The following RRM2 variants were observed in gnomAD, a reference collection of about 807,000 sequenced individuals.
RRM2 encodes ribonucleotide reductase regulatory subunit M2, also known as ribonucleoside-diphosphate reductase subunit M2.
RRM2 carries 6 observed loss-of-function variants against 45.9 expected under a neutral mutation model. That is an observed-to-expected ratio of 0.13 (90% CI 0.07 to 0.26). RRM2 has a LOEUF of 0.26. RRM2 is among the 10% of genes least tolerant of loss of function. The pLI is 1.00. For missense variants in RRM2, 343 were observed against 489.5 expected (o/e 0.70, Z 2.82); for synonymous variants, 177 against 173.0 (o/e 1.02, Z -0.18).
exon 4 of RRM2, chr2:10,210,579 AC>A (rs748743330): frequency 7.3e-7 from 1 of 1,364,964 alleles, no homozygotes; most frequent in Admixed American, 1.9e-5. Flanking sequence ...CCATTCTCAG[AC>A]CCCCCAGGGC....
chr2:10,135,188 T>C (rs1320078753), downstream of RRM2, among the ~76,000 whole-genome samples: 2 of 151,328 alleles, frequency 1.3e-5, no homozygotes, highest in African/African-American at 2.5e-5. Context: ...GAGAAATTGG[T>C]TGGTCCACAG....
intron 3 of RRM2, among the ~76,000 whole-genome samples, chr2:10,200,750 T>G (rs1321721814): frequency 6.6e-6 from 1 of 152,112 alleles, no homozygotes; most frequent in Non-Finnish European, 1.5e-5. Context: ...AGGGCTCTAC[T>G]GGCTTCACAA....
At position 10,123,641 on chromosome 2, in the gene RRM2, T is replaced by C. The variant is rs1662718453; in HGVS notation, c.319-95T>C. On this transcript the variant is annotated intron_variant, in intron 3 of 9. Transcript: ENST00000304567. ...GGGGCTAACTGTGGGGCATAGTAAGTGGTGCCAGCATACTTAAAGTTTGAG... is the reference window on the plus strand; with the variant it reads ...GGGGCTAACTGTGGGGCATAGTAAGCGGTGCCAGCATACTTAAAGTTTGAG... The C allele has an allele frequency of 2.8e-6, 4 of 1,438,208 alleles. No individual in the cohort carries two copies. The African/African-American group carries it at 5.7e-5, about 20-fold the overall frequency. The allele number at this position is 1,438,208 out of a possible 1,614,324, so 89.1% of individuals were successfully genotyped here.
At chr2:10,200,922 A>C (rs911788472) in intron 3 of RRM2, among the ~76,000 whole-genome samples, 5 of 152,188 alleles carry the variant, frequency 3.3e-5, no homozygotes, top group African/African-American at 1.2e-4. Context: ...CGAGGCGGGC[A>C]GATCACCTGA....
At chr2:10,199,779 CAAAAAAAAAAAAAAAAA>C (rs796262395) in intron 3 of RRM2, among the ~76,000 whole-genome samples, 1 of 14,298 alleles carries the variant, frequency 7.0e-5, no homozygotes, top group African/African-American at 1.9e-4. Context: ...GACTCAGTCT[CAAAAAAAAAAAAAAAAA>C]AAAAAAAAAA....
intron 3 of RRM2, among the ~76,000 whole-genome samples, chr2:10,176,959 G>C (rs1234084531): frequency 6.6e-6 from 1 of 152,134 alleles, no homozygotes; most frequent in Non-Finnish European, 1.5e-5. Flanking sequence ...AAATAGTACT[G>C]ATTGAGCCGG....
At chr2:10,202,196 T>A (rs1664580801) in intron 3 of RRM2, among the ~76,000 whole-genome samples, 2 of 152,352 alleles carry the variant, frequency 1.3e-5, no homozygotes, top group South Asian at 4.1e-4. Flanking sequence ...CCTTCATTTT[T>A]ATTTTATCCA....
At chr2:10,138,269 G>C (rs1490001970), upstream of RRM2, among the ~76,000 whole-genome samples, 2 of 151,848 alleles carry the variant, frequency 1.3e-5, no homozygotes, top group Non-Finnish European at 2.9e-5. Context: ...CCGGGTTCAA[G>C]TGATTCTCCT....
At chr2:10,136,877 A>G (rs776093666), upstream of RRM2, among the ~76,000 whole-genome samples, 6 of 152,146 alleles carry the variant, frequency 3.9e-5, no homozygotes, top group Non-Finnish European at 8.8e-5. Context: ...AGGGGTGGGT[A>G]GAAGGGAGGC....
intron 3 of RRM2, among the ~76,000 whole-genome samples, chr2:10,176,979 C>T (rs544669036): frequency 1.3e-5 from 2 of 152,306 alleles, no homozygotes; most frequent in South Asian, 2.1e-4. Flanking sequence ...GGTACAGTGG[C>T]TCATGCCGGT....
At chr2:10,209,173 T>C (rs1664715693) in intron 3 of RRM2, among the ~76,000 whole-genome samples, 2 of 151,702 alleles carry the variant, frequency 1.3e-5, no homozygotes, top group South Asian at 4.2e-4. Context: ...TTCTTTTGCC[T>C]CATTCCCCTG....
At chr2:10,200,935 T>C (rs1664557188) in intron 3 of RRM2, among the ~76,000 whole-genome samples, 1 of 152,178 alleles carries the variant, frequency 6.6e-6, no homozygotes, top group African/African-American at 2.4e-5. Context: ...TCACCTGATG[T>C]CAGGAGTTCA....
In RRM2 at chr2:10,186,989, G is replaced by A. The variant is rs1006159810; in HGVS notation, n.483-23322G>A. On this transcript the variant is annotated intron_variant and non_coding_transcript_variant, in intron 3 of 3. Transcript: ENST00000381786. ...TCTGGTGCCCAGGAGTCCCCCGAAG[G>A]GGGGCTCAGAGGAGGTGCGTGCGGG... Among the ~76,000 whole-genome samples, 8 of 152,242 alleles carry A rather than the reference G, an allele frequency of 5.3e-5. No homozygotes were observed. In the East Asian group the frequency reaches 1.2e-3, roughly 22 times the overall value.
chr2:10,138,871 G>T, upstream of RRM2, among the ~76,000 whole-genome samples: 1 of 152,134 alleles, frequency 6.6e-6, no homozygotes, highest in South Asian at 2.1e-4. Flanking sequence ...ACTTTGGGAG[G>T]CCAAGGTGGG....
intron 3 of RRM2, among the ~76,000 whole-genome samples, chr2:10,196,706 C>A (rs535272141): frequency 1.1e-4 from 17 of 152,308 alleles, no homozygotes; most frequent in African/African-American, 4.1e-4. Flanking sequence ...AGGCAGTGAC[C>A]GCACAGGGCG....
At chr2:10,162,084 G>A (rs1663573460) in intron 3 of RRM2, among the ~76,000 whole-genome samples, 1 of 152,208 alleles carries the variant, frequency 6.6e-6, no homozygotes, top group African/African-American at 2.4e-5. Context: ...AGAACCCACA[G>A]CTCCCATCCG....
chr2:10,127,131 T>C lies in RRM2; in HGVS notation c.709T>C (p.Ser237Pro). The C allele has an allele frequency of 6.2e-7, 1 of 1,614,246 alleles. No homozygotes were observed. Among genetic ancestry groups the C allele is most frequent in the Non-Finnish European group, 8.5e-7 (1 of 1,180,042 alleles). ...TGCTGCAGTGGAAGGCATTTTCTTT[T>C]CCGGTTCTTTTGCGTCGATATTCTG... ...AFAAVEGIFF[S>P]GSFASIFWLK... The change falls in exon 7 of 10, where the codon TCC becomes CCC. Residue 237 changes from serine to proline, a missense_variant. Transcript: ENST00000304567. The surrounding 1 kb of genome is among the most constrained non-coding windows in gnomAD (Gnocchi z 4.1).
At position 10,185,615 on chromosome 2, in the gene RRM2, T is replaced by C. The variant is rs922050765; in HGVS notation, n.483-24696T>C. 6.6e-6 allele frequency among the ~76,000 whole-genome samples: 1 copy of C among 152,218 alleles called. No homozygotes were observed. Among genetic ancestry groups the C allele is most frequent in the Non-Finnish European group, 1.5e-5 (1 of 68,042 alleles). On this transcript the variant is annotated intron_variant and non_coding_transcript_variant, in intron 3 of 3. Coordinates refer to the RRM2 transcript ENST00000381786. The surrounding 1 kb of genome is among the most constrained non-coding windows in gnomAD (Gnocchi z 4.3). ...AATTCCATATGACTCTGTTCTCAAG[T>C]GTACTGGATACATTCTTGAAAATAC...
intron 4 of RRM2, 79 bp downstream of exon 4, chr2:10,123,931 G>A: frequency 2.5e-6 from 2 of 801,180 alleles, no homozygotes; most frequent in Admixed American, 1.8e-5. Flanking sequence ...CGTCTTGTAT[G>A]TTTTTCCATG....
Sources: gnomAD v4.1 joint callset for allele counts (sites outside exome capture counted in the v4.1 genomes callset) on GRCh38, gnomAD v4.1.1 for gene constraint, Gnocchi (gnomAD v3.1) non-coding constraint, MANE v1.5 for transcripts, NCBI Gene and HGNC (gene_info 2026-07-23, HGNC 2026-07-21) for gene names.